FTCDNL1: variants seen among roughly 807,000 people sequenced by gnomAD.
FTCDNL1 encodes the protein formiminotransferase N-terminal subdomain-containing protein.
FTCDNL1 carries 11 observed loss-of-function variants against 5.9 expected under a neutral mutation model. The observed-to-expected ratio is 1.87, with a 90% CI of 1.18 to 3.10. The LOEUF is 3.10. Ranked by LOEUF, FTCDNL1 falls within the 30% of genes most tolerant of loss-of-function variation. The probability of loss-of-function intolerance (pLI) is 0.00; values close to 1 mark genes in which losing one functional copy is unlikely to be tolerated. For missense variants in FTCDNL1, 115 were observed against 65.5 expected, an observed-to-expected ratio of 1.76 and a Z score of -2.61; for synonymous variants, 58 against 24.8, an observed-to-expected ratio of 2.34 and a Z score of -3.99.
At chr2:199,768,329 T>G (rs1433301508) in intron 3 of FTCDNL1, among the ~76,000 whole-genome samples, 1 of 152,082 alleles carries the variant, frequency 6.6e-6, no homozygotes, top group East Asian at 1.9e-4. Flanking sequence ...ACACCACATA[T>G]TCCCCCGTGA....
At chr2:199,841,404 T>C (rs965440434) in intron 3 of FTCDNL1, among the ~76,000 whole-genome samples, 20 of 151,886 alleles carry the variant, frequency 1.3e-4, no homozygotes. Flanking sequence ...AATAAATAAA[T>C]AAATAAATAC....
chr2:199,778,140 C>A (rs1173030577), intron 3 of FTCDNL1, among the ~76,000 whole-genome samples: 1 of 152,148 alleles, frequency 6.6e-6, no homozygotes, highest in African/African-American at 2.4e-5. Flanking sequence ...TATCACCATA[C>A]ACAAAGAAGA....
the FTCDNL1 span, among the ~76,000 whole-genome samples, chr2:199,701,337 A>C: frequency 2.4e-5 from 1 of 42,514 alleles, no homozygotes. Context: ...AAAAAAAAAA[A>C]AAAAAAAAAA....
the FTCDNL1 span, among the ~76,000 whole-genome samples, chr2:199,728,215 T>C: frequency 2.6e-5 from 4 of 152,178 alleles, no homozygotes; most frequent in African/African-American, 9.7e-5. Flanking sequence ...TTTTTTAAAG[T>C]TGTGCATCAA....
chr2:199,729,015 G>A, the FTCDNL1 span, among the ~76,000 whole-genome samples: 3 of 152,152 alleles, frequency 2.0e-5, no homozygotes, highest in African/African-American at 7.2e-5. Context: ...AAAAATATGG[G>A]TCGACTATAC....
the FTCDNL1 span, among the ~76,000 whole-genome samples, chr2:199,696,860 T>C: frequency 1.3e-5 from 2 of 152,192 alleles, no homozygotes; most frequent in African/African-American, 2.4e-5. Flanking sequence ...ATGAAGATTA[T>C]TGAGATTCAG....
At chr2:199,732,684 T>C in the FTCDNL1 span, among the ~76,000 whole-genome samples, 28 of 152,160 alleles carry the variant, frequency 1.8e-4, no homozygotes, top group African/African-American at 6.5e-4. Flanking sequence ...TCCTGACATG[T>C]ATACACAAAA....
chr2:199,684,862 T>A, the FTCDNL1 span, among the ~76,000 whole-genome samples: 1 of 152,190 alleles, frequency 6.6e-6, no homozygotes, highest in Non-Finnish European at 1.5e-5. Context: ...GATAAATGTA[T>A]ATTCTCAAAA....
At chr2:199,670,900 T>C in the FTCDNL1 span, among the ~76,000 whole-genome samples, 1 of 152,096 alleles carries the variant, frequency 6.6e-6, no homozygotes, top group African/African-American at 2.4e-5. Context: ...TCTATAAGGC[T>C]CACATGACAG....
chr2:199,711,376 G>T, the FTCDNL1 span, among the ~76,000 whole-genome samples: 6 of 141,750 alleles, frequency 4.2e-5, no homozygotes, highest in South Asian at 2.3e-4. Context: ...GGGGGCGGGG[G>T]GGGGATTGAA....
chr2:199,696,664 C>A, the FTCDNL1 span, among the ~76,000 whole-genome samples: 1 of 152,004 alleles, frequency 6.6e-6, no homozygotes, highest in Non-Finnish European at 1.5e-5. Flanking sequence ...CAAAGGACAG[C>A]AACTTCAAAG....
chr2:199,726,606 T>C, the FTCDNL1 span, among the ~76,000 whole-genome samples: 1 of 152,192 alleles, frequency 6.6e-6, no homozygotes, highest in Non-Finnish European at 1.5e-5. Flanking sequence ...GTTGTTGTTA[T>C]TGTTGTTGTT....
chr2:199,850,465 G>A (rs2076847092), intron 1 of FTCDNL1, among the ~76,000 whole-genome samples: 1 of 152,174 alleles, frequency 6.6e-6, no homozygotes, highest in Admixed American at 6.5e-5. Context: ...TTGATTCCCT[G>A]TGGACAGCTA....
intron 3 of FTCDNL1, among the ~76,000 whole-genome samples, chr2:199,779,630 G>C (rs1467896780): frequency 2.6e-5 from 4 of 152,208 alleles, no homozygotes; most frequent in Admixed American, 6.5e-5. Flanking sequence ...TCCAGGGATT[G>C]CACCAATCTT....
chr2:199,838,087 A>G (rs1036851964), intron 3 of FTCDNL1, among the ~76,000 whole-genome samples: 2 of 152,218 alleles, frequency 1.3e-5, no homozygotes, highest in African/African-American at 4.8e-5. Context: ...AACAGGCAAC[A>G]GGGTCATGTT....
chr2:199,850,334 T>C (rs987093615), intron 1 of FTCDNL1, among the ~76,000 whole-genome samples: 4 of 152,272 alleles, frequency 2.6e-5, no homozygotes, highest in African/African-American at 9.6e-5. Flanking sequence ...AGTGTGTTTA[T>C]GCAGCTTAAT....
rs1422540511 is a variant in FTCDNL1 at position 199,809,727 on chromosome 2, A to G, written c.*2978T>C. On this transcript the variant is annotated 3_prime_UTR_variant, in exon 5 of 5. Transcript: ENST00000420128. The stretch of plus-strand genomic sequence containing the variant: ...TCCAAAAGAATAAGTACTTCCTTGA[A>G]GTCATGCCCAACACCATCATGCCAT... Among the ~76,000 whole-genome samples, 3 of 152,202 alleles carry G rather than the reference A, an allele frequency of 2.0e-5. No individual in the cohort carries two copies. Among genetic ancestry groups the G allele is most frequent in the Admixed American group, 6.5e-5 (1 of 15,284 alleles).
intron 3 of FTCDNL1, among the ~76,000 whole-genome samples, chr2:199,842,389 T>C (rs1310172129): frequency 6.6e-6 from 1 of 152,240 alleles, no homozygotes; most frequent in Non-Finnish European, 1.5e-5. Context: ...GCAGCCATAC[T>C]GAAGTCCTTT....
At chr2:199,766,905 G>A (rs1483723093) in intron 3 of FTCDNL1, among the ~76,000 whole-genome samples, 2 of 151,920 alleles carry the variant, frequency 1.3e-5, no homozygotes, top group East Asian at 3.9e-4. Context: ...GTGTGGGGAG[G>A]AACATACAAA....
Sources: gnomAD v4.1 joint callset for allele counts (sites outside exome capture counted in the v4.1 genomes callset) on GRCh38, gnomAD v4.1.1 for gene constraint, MANE v1.5 for transcripts, NCBI Gene and HGNC (gene_info 2026-07-23, HGNC 2026-07-21) for gene names.